Variants in RSU1 observed in about 807,000 individuals in gnomAD.
RSU1 encodes Ras suppressor protein 1.
A neutral mutation model predicts 31.1 loss-of-function variants in RSU1; 26 were observed. The ratio of observed to expected loss-of-function variants is 0.84; its 90% CI spans 0.61 to 1.16. RSU1 has a LOEUF of 1.16. Among genes scored for constraint, RSU1 ranks in the 50% most tolerant of loss-of-function variants. RSU1 has a pLI of 0.00. For synonymous variants in RSU1, 164 were observed against 136.3 expected (o/e 1.20, Z -1.41); for missense variants, 320 against 339.1 (o/e 0.94, Z 0.44).
intron 7 of RSU1, among the ~76,000 whole-genome samples, chr10:16,700,055 T>C (rs1012890273): frequency 1.3e-5 from 2 of 152,220 alleles, no homozygotes; most frequent in Non-Finnish European, 2.9e-5. Context: ...GCCCCATTAA[T>C]AAGCATGCTC....
At chr10:16,652,317 C>CTGAT (rs1564301649) in intron 8 of RSU1, among the ~76,000 whole-genome samples, 1 of 139,180 alleles carries the variant, frequency 7.2e-6, no homozygotes, top group African/African-American at 2.7e-5. Context: ...TAAAAGGAGG[C>CTGAT]TGATTGAGAA....
intron 7 of RSU1, among the ~76,000 whole-genome samples, chr10:16,714,375 G>C (rs1836088267): frequency 6.6e-6 from 1 of 152,180 alleles, no homozygotes; most frequent in African/African-American, 2.4e-5. Flanking sequence ...ATTTGGGAGG[G>C]AGGGCTGCTA....
rs2131558974 is a variant in RSU1 at position 16,691,338 on chromosome 10, TGTGTTA to T, written c.731+3679_731+3684del. ...AGGCCCTTAATTTTGAAAATCAGTT[TGTGTTA>T]ATCTGGTGAAACACAATAGCGGCAT... On this transcript the variant is annotated intron_variant, in intron 8 of 8. Coordinates refer to ENST00000345264, the MANE Select transcript of RSU1 (RefSeq NM_012425.4). Among the ~76,000 whole-genome samples, 3 of 151,932 alleles carry T rather than the reference TGTGTTA, an allele frequency of 2.0e-5. No homozygotes were observed. The South Asian group carries it at 6.3e-4, about 32-fold the overall frequency.
intron 7 of RSU1, among the ~76,000 whole-genome samples, chr10:16,720,992 A>C (rs1279327237): frequency 6.6e-6 from 1 of 152,112 alleles, no homozygotes; most frequent in Non-Finnish European, 1.5e-5. Context: ...ATCTCACATA[A>C]ATAAATAAAT....
At chr10:16,738,866 C>G (rs557836361) in intron 7 of RSU1, among the ~76,000 whole-genome samples, 7 of 144,772 alleles carry the variant, frequency 4.8e-5, no homozygotes, top group Non-Finnish European at 1.1e-4. Context: ...CCTTGCCCCC[C>G]ACCCCCCCAG....
Position 16,592,362 on chromosome 10 carries a change from C to T in RSU1, c.*1032G>A, listed in dbSNP as rs995107621. The T allele has an allele frequency of 2.6e-5, 4 of 152,118 alleles. No homozygotes were observed. The highest frequency in any genetic ancestry group is 2.1e-4 in the South Asian group (1 of 4,806). The allele number at this position is 152,118 out of a possible 1,614,324, so 9.4% of individuals were successfully genotyped here. On this transcript the variant is annotated 3_prime_UTR_variant, in exon 9 of 9. Transcript: ENST00000345264. ...CTCAGCTTGCATTTATTTTGATTTT[C>T]GTAGGTATCACTGTTGAAAAGAAGG... is the stretch of plus-strand genomic sequence containing the variant.
chr10:16,650,460 G>C (rs1281841220), intron 8 of RSU1, among the ~76,000 whole-genome samples: 3 of 151,992 alleles, frequency 2.0e-5, no homozygotes, highest in Non-Finnish European at 1.5e-5. Context: ...CAATGATAAA[G>C]GCATCTTTTG....
chr10:16,669,373 T>TCC (rs771659861), intron 8 of RSU1, among the ~76,000 whole-genome samples: 1 of 150,678 alleles, frequency 6.6e-6, no homozygotes, highest in Non-Finnish European at 1.5e-5. Flanking sequence ...CTGTTTTTTT[T>TCC]CCCCCCCCAA....
At chr10:16,718,274 C>A (rs1325899256) in intron 7 of RSU1, among the ~76,000 whole-genome samples, 1 of 152,050 alleles carries the variant, frequency 6.6e-6, no homozygotes, top group East Asian at 1.9e-4. Flanking sequence ...TTCTAATATT[C>A]CTTAGCATTA....
chr10:16,629,624 G>A (rs898637357), intron 8 of RSU1, among the ~76,000 whole-genome samples: 2 of 152,168 alleles, frequency 1.3e-5, no homozygotes, highest in African/African-American at 4.8e-5. Context: ...AACCCTAAAT[G>A]TAATTGGAAA....
At chr10:16,813,707 T>A (rs1838461225) in intron 2 of RSU1, among the ~76,000 whole-genome samples, 1 of 152,218 alleles carries the variant, frequency 6.6e-6, no homozygotes, top group African/African-American at 2.4e-5. Flanking sequence ...CAGGTTCCCC[T>A]CCTATGTGCT....
chr10:16,673,885 C>T (rs1835169663), intron 8 of RSU1, among the ~76,000 whole-genome samples: 1 of 152,180 alleles, frequency 6.6e-6, no homozygotes, highest in Non-Finnish European at 1.5e-5. Context: ...GGAAGAAGAG[C>T]TGCCTCCCCT....
chr10:16,704,348 T>C (rs571674907), intron 7 of RSU1, among the ~76,000 whole-genome samples: 6 of 152,332 alleles, frequency 3.9e-5, no homozygotes, highest in African/African-American at 1.4e-4. Flanking sequence ...GAAGGCATTA[T>C]TATGATCTCA....
intron 8 of RSU1, among the ~76,000 whole-genome samples, chr10:16,638,357 C>T (rs1308941976): frequency 6.6e-6 from 1 of 152,124 alleles, no homozygotes; most frequent in Non-Finnish European, 1.5e-5. Context: ...CGCAGATCAT[C>T]CCCGCCAAAA....
intron 8 of RSU1, among the ~76,000 whole-genome samples, chr10:16,627,986 G>C (rs148343023): frequency 6.6e-6 from 1 of 152,142 alleles, no homozygotes; most frequent in Non-Finnish European, 1.5e-5. Context: ...GACCAGCGAT[G>C]TTGAAGGGCA....
At chr10:16,752,800 A>G in intron 6 of RSU1, 118 bp downstream of exon 6, 2 of 1,030,440 alleles carry the variant, frequency 1.9e-6, no homozygotes, top group South Asian at 2.8e-5. Context: ...AAACACTATC[A>G]GGAGTAGTGG....
intron 8 of RSU1, among the ~76,000 whole-genome samples, chr10:16,688,127 G>A (rs2131555739): frequency 6.6e-6 from 1 of 152,212 alleles, no homozygotes; most frequent in South Asian, 2.1e-4. Context: ...TATCATTGAA[G>A]TTAACATGAA....
At chr10:16,650,650 G>A (rs180705456) in intron 8 of RSU1, among the ~76,000 whole-genome samples, 3 of 147,312 alleles carry the variant, frequency 2.0e-5, no homozygotes, top group East Asian at 2.0e-4. Flanking sequence ...CACAATCTCG[G>A]CTCACTGCAA....
chr10:16,640,160 G>A (rs1437194866), intron 8 of RSU1, among the ~76,000 whole-genome samples: 2 of 152,074 alleles, frequency 1.3e-5, no homozygotes, highest in Non-Finnish European at 2.9e-5. Context: ...AGGAGAGGGA[G>A]AGAAAGAGGA....
Sources: allele counts gnomAD v4.1 joint callset (sites outside exome capture counted in the v4.1 genomes callset), GRCh38; gene constraint gnomAD v4.1.1; transcripts MANE v1.5; gene names NCBI Gene and HGNC (gene_info 2026-07-23, HGNC 2026-07-21).